TRPC3: variants seen among roughly 807,000 people sequenced by gnomAD.
TRPC3 encodes transient receptor potential cation channel subfamily C member 3, also known as short transient receptor potential channel 3.
Under a neutral mutation model 90.9 loss-of-function variants are expected in TRPC3, and 54 were observed. The observed-to-expected ratio is 0.59, with a 90% CI of 0.48 to 0.75. The LOEUF is 0.75. Ranked by LOEUF, TRPC3 falls within the 30% of genes least tolerant of loss-of-function variation. TRPC3 has a pLI of 0.00. For synonymous variants in TRPC3, 424 were observed against 450.9 expected, an observed-to-expected ratio of 0.94 and a Z score of 0.75; for missense variants, 918 against 1,194.5, an observed-to-expected ratio of 0.77 and a Z score of 3.41.
intron 4 of TRPC3, among the ~76,000 whole-genome samples, 183 bp downstream of exon 4, chr4:121,914,596 AC>A (rs1729233721): frequency 6.6e-6 from 1 of 152,246 alleles, no homozygotes; most frequent in Non-Finnish European, 1.5e-5. Flanking sequence ...TCCCACTGGT[AC>A]CAAATCCTTT....
chr4:121,904,483 T>C lies in TRPC3; in HGVS notation c.2092A>G (p.Ile698Val). The change falls in exon 8 of 12, where the codon ATA becomes GTA. Residue 698 changes from isoleucine (I) to valine (V), a missense_variant. This residue lies in a region of TRPC3 where 147 missense variants were observed against 263.5 expected (regional missense o/e 0.56). Coordinates refer to ENST00000379645, the MANE Select transcript of TRPC3 (RefSeq NM_001130698.2). ...GAAGTCACTTCAGACAACCCAAATA[T>C]TGACCAAAATAAAGTCTTGAAACTT... ...EESFKTLFWS[I>V]FGLSEVTSVV... 6.3e-7 allele frequency: 1 copy of C among 1,576,110 alleles called. No individual in the cohort carries two copies. Among genetic ancestry groups the C allele is most frequent in the Non-Finnish European group, 8.6e-7 (1 of 1,165,358 alleles).
In TRPC3 at chr4:121,932,549, T is replaced by C. The variant is rs201189354; in HGVS notation, c.709A>G (p.Ile237Val). 6.2e-7 allele frequency: 1 copy of C among 1,614,124 alleles called. No homozygotes were observed. Among genetic ancestry groups the C allele is most frequent in the East Asian group, 2.2e-5 (1 of 44,858 alleles). ...GTRFSPDITP[I>V]ILAAHCQKYE... ...TTCTGGCAGTGCGCCGCCAGGATGA[T>C]GGGGGTGATGTCCGGCGAGAAGCGC... The change falls in exon 2 of 12, where the codon ATC (isoleucine) becomes GTC (valine). Residue 237 changes from isoleucine to valine, a missense_variant. By Grantham distance (29) the Ile-to-Val change is conservative. Transcript: ENST00000379645. This position sits in a 1 kb window ranked among gnomAD's most constrained non-coding sequence, Gnocchi z 7.7.
At chr4:121,903,788 T>C (rs918644162) in intron 8 of TRPC3, among the ~76,000 whole-genome samples, 3 of 152,170 alleles carry the variant, frequency 2.0e-5, no homozygotes, top group African/African-American at 7.2e-5. Flanking sequence ...CATAGAGATT[T>C]GGTGGAGTTA....
intron 3 of TRPC3, among the ~76,000 whole-genome samples, chr4:121,924,554 G>A (rs535557136): frequency 5.3e-5 from 8 of 152,132 alleles, no homozygotes; most frequent in African/African-American, 1.4e-4. Context: ...TTTATTTTTT[G>A]AGACAAGGTC....
chr4:121,887,874 T>G (rs1451909784), intron 10 of TRPC3, among the ~76,000 whole-genome samples: 1 of 152,196 alleles, frequency 6.6e-6, no homozygotes, highest in African/African-American at 2.4e-5. Flanking sequence ...CTCCTGAGTA[T>G]GTTCTTGAGA....
At chr4:121,914,680 G>T in intron 4 of TRPC3, 100 bp downstream of exon 4, 1 of 1,246,578 alleles carries the variant, frequency 8.0e-7, no homozygotes, top group Non-Finnish European at 1.1e-6. Context: ...AACATTCAGG[G>T]TAAAACTGAT....
chr4:121,891,933 A>G (rs1219279784), intron 10 of TRPC3, among the ~76,000 whole-genome samples: 1 of 152,194 alleles, frequency 6.6e-6, no homozygotes, highest in East Asian at 1.9e-4. Context: ...AGGTATGTGC[A>G]CTGCATGCAT....
At chr4:121,938,083 G>A (rs1046911574) in intron 1 of TRPC3, among the ~76,000 whole-genome samples, 7 of 150,640 alleles carry the variant, frequency 4.6e-5, no homozygotes, top group South Asian at 2.1e-4. Context: ...TACTGTACAC[G>A]TTCATAGATA....
intron 9 of TRPC3, among the ~76,000 whole-genome samples, chr4:121,901,050 C>T (rs2149116929): frequency 6.6e-6 from 1 of 152,282 alleles, no homozygotes; most frequent in East Asian, 1.9e-4. Context: ...CTCTTCTCAA[C>T]CTGACGTTTA....
intron 3 of TRPC3, among the ~76,000 whole-genome samples, chr4:121,920,604 T>C (rs1729469463): frequency 6.6e-6 from 1 of 152,224 alleles, no homozygotes; most frequent in South Asian, 2.1e-4. Context: ...AGGCAGATGG[T>C]TGCTCTTTTA....
At chr4:121,921,777 T>C (rs1456575672) in intron 3 of TRPC3, among the ~76,000 whole-genome samples, 1 of 151,874 alleles carries the variant, frequency 6.6e-6, no homozygotes, top group Non-Finnish European at 1.5e-5. Context: ...CAAGACGTGG[T>C]TTTGCTTGGA....
At chr4:121,934,377 T>C (rs145146380) in intron 1 of TRPC3, among the ~76,000 whole-genome samples, 1 of 152,356 alleles carries the variant, frequency 6.6e-6, no homozygotes, top group East Asian at 1.9e-4. Flanking sequence ...GCTATTAAAA[T>C]GTTGCACAAA....
chr4:121,897,676 G>T (rs1728567046), intron 10 of TRPC3, among the ~76,000 whole-genome samples: 1 of 151,616 alleles, frequency 6.6e-6, no homozygotes, highest in South Asian at 2.1e-4. Context: ...AGAATGCAGA[G>T]AAAGGGAACT....
intron 7 of TRPC3, among the ~76,000 whole-genome samples, chr4:121,905,009 G>C (rs1728831388): frequency 6.6e-6 from 1 of 152,086 alleles, no homozygotes; most frequent in African/African-American, 2.4e-5. Flanking sequence ...GTAGGGGACA[G>C]GCTAAATAAT....
chr4:121,915,730 C>T (rs1729290873), intron 3 of TRPC3, among the ~76,000 whole-genome samples: 1 of 152,000 alleles, frequency 6.6e-6, no homozygotes. Context: ...GTTAAGTTAT[C>T]TGCCTGCATC....
At chr4:121,948,862 TTTG>T (rs1043092871) in intron 1 of TRPC3, among the ~76,000 whole-genome samples, 3 of 110,528 alleles carry the variant, frequency 2.7e-5, no homozygotes, top group African/African-American at 9.9e-5. Flanking sequence ...TTTTTTTGTT[TTTG>T]TTGTTGTTGT....
chr4:121,941,131 T>C (rs1315299633), intron 1 of TRPC3, among the ~76,000 whole-genome samples: 1 of 152,178 alleles, frequency 6.6e-6, no homozygotes, highest in Non-Finnish European at 1.5e-5. Context: ...ATGCTGAGCT[T>C]ATGTGTCAGA....
chr4:121,911,532 G>C lies in TRPC3; in HGVS notation c.1558+345C>G, dbSNP rs1163825684. 8.5e-5 allele frequency among the ~76,000 whole-genome samples: 13 copies of C among 152,166 alleles called. 1 individual carries two copies. Among genetic ancestry groups the C allele is most frequent in the Non-Finnish European group, 1.5e-5 (1 of 68,020 alleles). On this transcript the variant is annotated intron_variant, in intron 5 of 11. Coordinates refer to ENST00000379645, the MANE Select transcript of TRPC3 (RefSeq NM_001130698.2). ...ACAACAAAGAAAGTATTTGTCATCA[G>C]TTGATAGCCATTGGGTTATTTCATA...
Position 121,879,640 on chromosome 4 carries a change from C to T in TRPC3, c.*96G>A, listed in dbSNP as rs201025440. The T allele has an allele frequency of 1.7e-5, 23 of 1,386,488 alleles. No homozygotes were observed. Among genetic ancestry groups the T allele is most frequent in the Admixed American group, 2.4e-5 (1 of 41,578 alleles). 85.9% of individuals were successfully genotyped at this position (1,386,488 alleles called of 1,614,324 possible). A position where few individuals can be genotyped will look rare whatever the true frequency, so the allele number is the denominator to read the frequency against. ...GTTCACATGATAAAGGTAGTTAATA[C>T]TAAAAATTTACATCATAGTTTTTCA... On this transcript the variant is annotated 3_prime_UTR_variant, in exon 12 of 12. Transcript: ENST00000379645.
Sources: allele counts gnomAD v4.1 joint callset (sites outside exome capture counted in the v4.1 genomes callset), GRCh38; gene constraint gnomAD v4.1.1; regional missense constraint gnomAD v4.1.1; non-coding constraint Gnocchi (gnomAD v3.1); transcripts MANE v1.5; gene names NCBI Gene and HGNC (gene_info 2026-07-23, HGNC 2026-07-21).